The following NDE1 variants were observed in gnomAD, a reference collection of about 807,000 sequenced individuals.
The protein encoded by NDE1 is nudE neurodevelopment protein 1.
A neutral mutation model predicts 43.4 loss-of-function variants in NDE1; 28 were observed. The observed-to-expected ratio is 0.65, with a 90% CI of 0.48 to 0.89. The LOEUF is 0.89. NDE1 is among the 40% of genes least tolerant of loss of function. The probability of loss-of-function intolerance (pLI) is 0.00; values close to 1 mark genes in which losing one functional copy is unlikely to be tolerated. For synonymous variants in NDE1, 184 were observed against 172.0 expected (o/e 1.07, Z -0.55); for missense variants, 441 against 434.1 (o/e 1.02, Z -0.14).
At chr16:15,679,942 C>G (rs959897170) in intron 4 of NDE1, among the ~76,000 whole-genome samples, 13 of 152,096 alleles carry the variant, frequency 8.5e-5, no homozygotes, top group Non-Finnish European at 1.8e-4. Flanking sequence ...CCACACCCGG[C>G]TAATTTTTGT....
At chr16:15,707,930 C>T (rs1331737216) in intron 8 of NDE1, among the ~76,000 whole-genome samples, 1 of 148,262 alleles carries the variant, frequency 6.7e-6, no homozygotes, top group Non-Finnish European at 1.5e-5. Context: ...CAAGATTGCG[C>T]CATTGCACTC....
chr16:15,712,041 T>G (rs151058958), intron 8 of NDE1, among the ~76,000 whole-genome samples: 2 of 151,908 alleles, frequency 1.3e-5, no homozygotes, highest in Non-Finnish European at 2.9e-5. Flanking sequence ...ATAGATGGGA[T>G]GTGGGGTATA....
chr16:15,673,202 G>A (rs2151467218), intron 3 of NDE1, among the ~76,000 whole-genome samples: 1 of 152,076 alleles, frequency 6.6e-6, no homozygotes, highest in Admixed American at 6.6e-5. Flanking sequence ...TAGGATGGGT[G>A]TTTTGTGTTT....
Position 15,714,996 on chromosome 16 carries a change from C to T in NDE1, c.948-9195C>T, listed in dbSNP as rs771212799. The T allele has an allele frequency of 4.3e-6, 7 of 1,613,986 alleles. No homozygotes were observed. The highest frequency in any genetic ancestry group is 1.1e-5 in the South Asian group (1 of 91,088). On this transcript the variant is annotated intron_variant, in intron 8 of 8. Transcript: ENST00000396354. The stretch of plus-strand genomic sequence containing the variant: ...ATCCAGCTCCCGCTGCAGCTTCCTG[C>T]GGTTGGCGTTGATGCGCTGGGACTC...
chr16:15,717,441 C>CCCGGGATCAAGGG, intron 8 of NDE1: 2 of 1,343,780 alleles, frequency 1.5e-6, no homozygotes, highest in Non-Finnish European at 2.1e-6. Context: ...TTGGCCTCTG[C>CCCGGGATCAAGGG]ACGAGTCCCT....
chr16:15,672,913 G>A (rs2151466119), intron 3 of NDE1: 1 of 152,332 alleles, frequency 6.6e-6, no homozygotes, highest in South Asian at 2.1e-4. Context: ...CCAGGAAATG[G>A]GGAGGGTGCT....
At position 15,703,385 on chromosome 16, in the gene NDE1, G is replaced by A. The variant is rs1596659490; in HGVS notation, c.947+6525G>A. ...GAATGAATTGGGAGTGGGGGCCGGCGGCACCCATTTCGGTGACTTTCTCCC... is the reference window on the plus strand; with the variant it reads ...GAATGAATTGGGAGTGGGGGCCGGCAGCACCCATTTCGGTGACTTTCTCCC... On this transcript the variant is annotated intron_variant, in intron 8 of 8. Transcript: ENST00000396354. 2.1e-5 allele frequency: 5 copies of A among 237,840 alleles called. No individual in the cohort carries two copies. The East Asian group carries it at 2.4e-4, about 11-fold the overall frequency. The allele number at this position is 237,840 out of a possible 1,614,324, so 14.7% of individuals were successfully genotyped here. A position where few individuals can be genotyped will look rare whatever the true frequency, so the allele number is the denominator to read the frequency against.
In NDE1 at chr16:15,699,788, C is replaced by A. The variant is rs774598662; in HGVS notation, c.947+2928C>A. ...TCACACATGTCTTCATCGCCGCTGC[C>A]GTCAGCCCAGGGGGTAGTCAAGATG... On this transcript the variant is annotated intron_variant, in intron 8 of 8. Coordinates refer to ENST00000396354, the MANE Select transcript of NDE1 (RefSeq NM_017668.3). The A allele has an allele frequency of 5.9e-6, 8 of 1,351,538 alleles. No individual in the cohort carries two copies. The African/African-American group carries it at 1.0e-4, about 17-fold the overall frequency. The allele number at this position is 1,351,538 out of a possible 1,614,324, so 83.7% of individuals were successfully genotyped here. A position where few individuals can be genotyped will look rare whatever the true frequency, so the allele number is the denominator to read the frequency against.
In NDE1 at chr16:15,715,320, C is replaced by T. The variant is rs199782273; in HGVS notation, c.948-8871C>T. 49 of 1,592,808 alleles carry T rather than the reference C, an allele frequency of 3.1e-5. No homozygotes were observed. The East Asian group carries it at 7.6e-4, about 25-fold the overall frequency. The stretch of plus-strand genomic sequence containing the variant: ...GTGGTTTCAGCGGAGGGTGGCACCC[C>T]TTGTAGCTGGTGTGTCACCTGGAGG... On this transcript the variant is annotated intron_variant, in intron 8 of 8. Transcript: ENST00000396354.
At chr16:15,664,404 TG>T (rs887284682) in intron 1 of NDE1, among the ~76,000 whole-genome samples, 52 of 152,290 alleles carry the variant, frequency 3.4e-4, no homozygotes, top group African/African-American at 1.2e-3. Flanking sequence ...TCACTCAAGC[TG>T]GAGTGCAGTG....
chr16:15,683,932 T>C (rs1487762690), intron 4 of NDE1, among the ~76,000 whole-genome samples: 2 of 150,886 alleles, frequency 1.3e-5, no homozygotes, highest in Non-Finnish European at 3.0e-5. Context: ...GAGGTTGAGG[T>C]AAGAAGGTGA....
rs1336163869 is a variant in NDE1, at chr16:15,724,835, C to A, written c.*584C>A. 6.2e-7 allele frequency: 1 copy of A among 1,613,604 alleles called. No homozygotes were observed. Among genetic ancestry groups the A allele is most frequent in the Non-Finnish European group, 8.5e-7 (1 of 1,179,980 alleles). ...GATGCAAAGAGGTCCCAGGGACCTG[C>A]CCCGAGGAAGGCCACCCCCCAGGTC... is the stretch of plus-strand genomic sequence containing the variant. On this transcript the variant is annotated 3_prime_UTR_variant, in exon 9 of 9. Transcript: ENST00000396354.
At chr16:15,686,787 A>C (rs2038461550) in intron 4 of NDE1, among the ~76,000 whole-genome samples, 9 of 152,004 alleles carry the variant, frequency 5.9e-5, no homozygotes, top group Admixed American at 5.9e-4. Flanking sequence ...GCTCACTACA[A>C]CCTCTGCTTC....
chr16:15,643,576 T>TG (rs1279778011), exon 1 of NDE1: 2 of 313,154 alleles, frequency 6.4e-6, no homozygotes, highest in African/African-American at 4.7e-5. Context: ...TCGGCTTTTT[T>TG]TTTTTCCTCT....
intron 2 of NDE1, among the ~76,000 whole-genome samples, chr16:15,666,116 T>C (rs1156804866): frequency 6.6e-6 from 1 of 152,158 alleles, no homozygotes; most frequent in African/African-American, 2.4e-5. Context: ...GGTAAGTTCT[T>C]TGTGCACAGG....
At position 15,676,885 on chromosome 16, in the gene NDE1, C is replaced by T. The variant is rs532835534; in HGVS notation, c.238-916C>T. 5.9e-5 allele frequency among the ~76,000 whole-genome samples: 9 copies of T among 152,268 alleles called. No individual in the cohort carries two copies. The East Asian group carries it at 9.7e-4, about 16-fold the overall frequency. On this transcript the variant is annotated intron_variant, in intron 3 of 8. Coordinates refer to ENST00000396354, the MANE Select transcript of NDE1 (RefSeq NM_017668.3). ...CTCTGTGAGCCGGGCTGGTGACTCT[C>T]TTTGTAATACACTGATGATATGTGT...
intron 8 of NDE1, chr16:15,721,528 G>T (rs536153803): frequency 6.2e-7 from 1 of 1,614,164 alleles, no homozygotes; most frequent in South Asian, 1.1e-5. Flanking sequence ...CTCTTCAAGG[G>T]CCCGAGCCAG....
chr16:15,718,596 A>T (rs1363704757), intron 8 of NDE1: 1 of 1,172,378 alleles, frequency 8.5e-7, no homozygotes, highest in Admixed American at 2.6e-5. Flanking sequence ...TTACACAGCC[A>T]GGAAGTGGAC....
Position 15,721,422 on chromosome 16 carries a change from G to A in NDE1, c.948-2769G>A, listed in dbSNP as rs1186932787. ...AGAAAAACCACCCAGAGCCACTTAC[G>A]TTCTTGCCCACGTCATCCTTGGAGC... On this transcript the variant is annotated intron_variant, in intron 8 of 8. Coordinates refer to ENST00000396354, the MANE Select transcript of NDE1 (RefSeq NM_017668.3). 5.6e-6 allele frequency: 9 copies of A among 1,614,056 alleles called. No homozygotes were observed. Among genetic ancestry groups the A allele is most frequent in the East Asian group, 4.5e-5 (2 of 44,874 alleles).
Sources: allele counts gnomAD v4.1 joint callset (sites outside exome capture counted in the v4.1 genomes callset), GRCh38; gene constraint gnomAD v4.1.1; transcripts MANE v1.5; gene names NCBI Gene and HGNC (gene_info 2026-07-23, HGNC 2026-07-21).